Variants in CNTN5 observed in about 807,000 individuals in gnomAD.
The protein encoded by CNTN5 is contactin 5, also known as contactin-5.
A neutral mutation model predicts 129.1 loss-of-function variants in CNTN5; 77 were observed. That is an observed-to-expected ratio of 0.60 (90% CI 0.50 to 0.72). The LOEUF is 0.72. CNTN5 is among the 30% of genes least tolerant of loss of function. The probability of loss-of-function intolerance (pLI) is 0.00; values close to 1 mark genes in which losing one functional copy is unlikely to be tolerated. For synonymous variants in CNTN5, 509 were observed against 465.6 expected, an observed-to-expected ratio of 1.09 and a Z score of -1.20; for missense variants, 1,478 against 1,328.8, an observed-to-expected ratio of 1.11 and a Z score of -1.75.
chr11:99,698,625 T>C (rs1954376934), intron 3 of CNTN5, among the ~76,000 whole-genome samples: 1 of 151,708 alleles, frequency 6.6e-6, no homozygotes, highest in South Asian at 2.1e-4. Context: ...GTTCCAACTT[T>C]TGAACACATT....
chr11:99,313,816 T>A (rs1278639532), intron 1 of CNTN5, among the ~76,000 whole-genome samples: 3 of 152,092 alleles, frequency 2.0e-5, no homozygotes, highest in Non-Finnish European at 4.4e-5. Flanking sequence ...GCTGCAATAG[T>A]ATATATTGTG....
chr11:99,524,336 A>G (rs1030133457), intron 2 of CNTN5, among the ~76,000 whole-genome samples: 1 of 152,140 alleles, frequency 6.6e-6, no homozygotes, highest in Non-Finnish European at 1.5e-5. Flanking sequence ...AGGTATAATA[A>G]TATTCTTATT....
At chr11:99,307,993 T>C (rs1565479719) in intron 1 of CNTN5, among the ~76,000 whole-genome samples, 1 of 152,214 alleles carries the variant, frequency 6.6e-6, no homozygotes, top group East Asian at 1.9e-4. Context: ...ACTCAATGAT[T>C]TAAGGAATAA....
chr11:99,669,571 AG>A (rs1952951369), intron 3 of CNTN5, among the ~76,000 whole-genome samples: 1 of 152,066 alleles, frequency 6.6e-6, no homozygotes, highest in African/African-American at 2.4e-5. Context: ...TAGGAAAGTG[AG>A]TAAAAGTGTT....
intron 13 of CNTN5, among the ~76,000 whole-genome samples, chr11:100,107,687 C>T (rs886129655): frequency 5.3e-5 from 8 of 151,800 alleles, no homozygotes; most frequent in Non-Finnish European, 7.4e-5. Flanking sequence ...CACTGCTTTT[C>T]CTCCATATCA....
intron 17 of CNTN5, among the ~76,000 whole-genome samples, chr11:100,264,930 T>A (rs938481850): frequency 1.3e-5 from 2 of 152,168 alleles, no homozygotes; most frequent in Non-Finnish European, 2.9e-5. Flanking sequence ...CCATTCTGAC[T>A]GGCATGAGAT....
intron 9 of CNTN5, among the ~76,000 whole-genome samples, chr11:100,004,516 T>C (rs1478040898): frequency 6.6e-6 from 1 of 152,226 alleles, no homozygotes; most frequent in African/African-American, 2.4e-5. Flanking sequence ...AACACAATTT[T>C]AAATTTCCCA....
chr11:99,540,097 T>C (rs1365846899), intron 2 of CNTN5, among the ~76,000 whole-genome samples: 2 of 152,120 alleles, frequency 1.3e-5, no homozygotes, highest in Non-Finnish European at 1.5e-5. Flanking sequence ...TGCCCCTGCA[T>C]GATGTGGCCT....
intron 13 of CNTN5, among the ~76,000 whole-genome samples, chr11:100,149,905 AAAG>A (rs1393962894): frequency 3.7e-4 from 54 of 145,152 alleles, no homozygotes; most frequent in African/African-American, 1.5e-3. Flanking sequence ...AAAAAAAAAA[AAAG>A]AAAAGAAAAG....
At chr11:99,627,919 A>T (rs550449355) in intron 3 of CNTN5, among the ~76,000 whole-genome samples, 115 of 150,174 alleles carry the variant, frequency 7.7e-4, no homozygotes, top group Non-Finnish European at 1.6e-3. Context: ...ATTGTGTATC[A>T]GATGGGTAAC....
At chr11:99,612,190 A>G (rs1950611701) in intron 3 of CNTN5, among the ~76,000 whole-genome samples, 1 of 152,192 alleles carries the variant, frequency 6.6e-6, no homozygotes, top group Non-Finnish European at 1.5e-5. Flanking sequence ...GTTCAACGGA[A>G]TGTTCAAAAT....
intron 6 of CNTN5, among the ~76,000 whole-genome samples, chr11:99,867,025 A>G (rs1011487006): frequency 6.6e-5 from 10 of 152,340 alleles, no homozygotes; most frequent in Admixed American, 2.0e-4. Flanking sequence ...CACATAGACT[A>G]TATTGAAGAA....
At chr11:99,802,122 T>A (rs1208683144) in intron 3 of CNTN5, among the ~76,000 whole-genome samples, 1 of 152,244 alleles carries the variant, frequency 6.6e-6, no homozygotes, top group South Asian at 2.1e-4. Flanking sequence ...GTAGAGAATA[T>A]TGAGTAGAAT....
At chr11:99,389,349 C>T (rs1056545743) in intron 2 of CNTN5, among the ~76,000 whole-genome samples, 4 of 152,048 alleles carry the variant, frequency 2.6e-5, no homozygotes, top group African/African-American at 9.7e-5. Flanking sequence ...TTTTCTATCC[C>T]AGGTTAAACA....
intron 2 of CNTN5, among the ~76,000 whole-genome samples, chr11:99,518,224 C>G (rs1947134341): frequency 6.6e-6 from 1 of 152,060 alleles, no homozygotes; most frequent in African/African-American, 2.4e-5. Flanking sequence ...ATAACTTAGA[C>G]TCATGTGAGA....
At chr11:99,831,250 A>T (rs1484847258) in intron 4 of CNTN5, among the ~76,000 whole-genome samples, 1 of 152,182 alleles carries the variant, frequency 6.6e-6, no homozygotes, top group African/African-American at 2.4e-5. Flanking sequence ...TTCAGGATTC[A>T]GCAAACTCTT....
At chr11:99,259,253 C>T (rs1462157859) in intron 1 of CNTN5, among the ~76,000 whole-genome samples, 2 of 151,614 alleles carry the variant, frequency 1.3e-5, no homozygotes, top group African/African-American at 4.8e-5. Flanking sequence ...GTATACTCCC[C>T]CTCTTTTCCA....
Position 100,321,285 on chromosome 11 carries a change from C to G in CNTN5, c.2730+12817C>G, listed in dbSNP as rs1256556453. On this transcript the variant is annotated intron_variant, in intron 21 of 24. Transcript: ENST00000524871. The stretch of plus-strand genomic sequence containing the variant: ...CTTCACCTTCTTGCTTAACTTATTC[C>G]TAAGTATTTTTTTTTTTTTTTGGTA... Among the ~76,000 whole-genome samples, 24 of 135,194 alleles carry G rather than the reference C, an allele frequency of 1.8e-4. No homozygotes were observed. The South Asian group carries it at 5.8e-3, about 33-fold the overall frequency. The allele number at this position is 135,194 out of a possible 152,430, so 88.7% of individuals were successfully genotyped here.
At chr11:99,545,811 C>T (rs1182501939) in intron 2 of CNTN5, among the ~76,000 whole-genome samples, 1 of 152,162 alleles carries the variant, frequency 6.6e-6, no homozygotes, top group African/African-American at 2.4e-5. Flanking sequence ...TTCCAGGAAG[C>T]AGTAACCCAA....
Sources: allele counts gnomAD v4.1 joint callset (sites outside exome capture counted in the v4.1 genomes callset), GRCh38; gene constraint gnomAD v4.1.1; transcripts MANE v1.5; gene names NCBI Gene and HGNC (gene_info 2026-07-23, HGNC 2026-07-21).